The following ARHGAP20 variants were observed in gnomAD, a reference collection of about 807,000 sequenced individuals.
ARHGAP20 encodes Rho GTPase activating protein 20.
Under a neutral mutation model 73.7 loss-of-function variants are expected in ARHGAP20, and 34 were observed. That is an observed-to-expected ratio of 0.46 (90% CI 0.35 to 0.61). ARHGAP20 has a LOEUF of 0.61. ARHGAP20 is among the 20% of genes least tolerant of loss of function. The pLI is 0.00. For synonymous variants in ARHGAP20, 523 were observed against 518.2 expected (o/e 1.01, Z -0.13); for missense variants, 1,314 against 1,420.9 (o/e 0.92, Z 1.21).
intron 3 of ARHGAP20, among the ~76,000 whole-genome samples, chr11:110,627,151 T>G (rs1591326337): frequency 3.3e-5 from 5 of 152,118 alleles, no homozygotes; most frequent in African/African-American, 1.2e-4. Context: ...TGCATTGGCA[T>G]GATCTTGGCT....
chr11:110,631,421 G>C (rs1948858264), intron 2 of ARHGAP20, among the ~76,000 whole-genome samples: 1 of 152,148 alleles, frequency 6.6e-6, no homozygotes, highest in African/African-American at 2.4e-5. Context: ...TGCAGGCTGA[G>C]ACCTGTCAGT....
chr11:110,635,997 A>G (rs535207936), intron 2 of ARHGAP20, among the ~76,000 whole-genome samples: 2 of 152,290 alleles, frequency 1.3e-5, no homozygotes, highest in Admixed American at 1.3e-4. Context: ...TTTTAATTAC[A>G]TAACAGGAAA....
Position 110,611,322 on chromosome 11 carries a change from A to G in ARHGAP20, c.695T>C (p.Met232Thr). ...AGAATAACTTACAGTTATCCCTAGC[A>G]TTGGTAATGACATGTTGATAACTTC... ...ANEVINMSLP[M>T]LGITGSERDY... The change falls in exon 7 of 15, where the codon ATG becomes ACG. Residue 232 changes from methionine (M) to threonine (T), a missense_variant. By Grantham distance (81) the Met-to-Thr change is moderately conservative (BLOSUM62 -1). This residue lies in a region of ARHGAP20 where 443 missense variants were observed against 466.4 expected (regional missense o/e 0.95). Coordinates refer to ENST00000683387, the MANE Select transcript of ARHGAP20 (RefSeq NM_001384657.1). The G allele has an allele frequency of 6.4e-7, 1 of 1,560,914 alleles. No individual in the cohort carries two copies. The highest frequency in any genetic ancestry group is 8.7e-7 in the Non-Finnish European group (1 of 1,148,076).
intron 4 of ARHGAP20, among the ~76,000 whole-genome samples, chr11:110,622,554 T>C (rs1039146802): frequency 1.3e-5 from 2 of 152,210 alleles, no homozygotes; most frequent in Non-Finnish European, 2.9e-5. Context: ...TTTCCATTAA[T>C]GTCCTTTTTC....
chr11:110,677,782 G>A (rs1376736398), intron 2 of ARHGAP20, among the ~76,000 whole-genome samples: 5 of 152,126 alleles, frequency 3.3e-5, no homozygotes, highest in African/African-American at 4.8e-5. Flanking sequence ...TATTGCTGGT[G>A]GGAATTTAGA....
At chr11:110,674,748 T>C (rs1468730865) in intron 2 of ARHGAP20, among the ~76,000 whole-genome samples, 1 of 152,150 alleles carries the variant, frequency 6.6e-6, no homozygotes, top group Non-Finnish European at 1.5e-5. Context: ...TACTAATATG[T>C]TGTTCTACAC....
intron 1 of ARHGAP20, among the ~76,000 whole-genome samples, chr11:110,703,598 C>T (rs1196515839): frequency 6.6e-6 from 1 of 151,806 alleles, no homozygotes; most frequent in Non-Finnish European, 1.5e-5. Context: ...AGACAGTAAA[C>T]TTTAAAGTGG....
intron 12 of ARHGAP20, among the ~76,000 whole-genome samples, chr11:110,584,914 T>C (rs914005739): frequency 8.7e-5 from 13 of 149,424 alleles, no homozygotes; most frequent in African/African-American, 3.2e-4. Flanking sequence ...TGAATATATA[T>C]ATGAATATAT....
intron 2 of ARHGAP20, among the ~76,000 whole-genome samples, chr11:110,677,710 TA>T (rs1202272015): frequency 6.6e-6 from 1 of 151,950 alleles, no homozygotes; most frequent in Non-Finnish European, 1.5e-5. Context: ...AAGATGGCTA[TA>T]ATAAAAAAGA....
At chr11:110,672,592 G>A (rs902610250) in intron 2 of ARHGAP20, among the ~76,000 whole-genome samples, 1 of 152,086 alleles carries the variant, frequency 6.6e-6, no homozygotes, top group Non-Finnish European at 1.5e-5. Flanking sequence ...CTACAAGCAT[G>A]CACCACCACA....
intron 3 of ARHGAP20, among the ~76,000 whole-genome samples, chr11:110,625,041 T>TA (rs1565445359): frequency 7.2e-5 from 10 of 138,836 alleles, no homozygotes; most frequent in Admixed American, 3.0e-4. Flanking sequence ...TATTTTTTTT[T>TA]TTTTTTTGAG....
chr11:110,693,987 T>C (rs1330937332), intron 1 of ARHGAP20, among the ~76,000 whole-genome samples: 1 of 151,886 alleles, frequency 6.6e-6, no homozygotes, highest in Non-Finnish European at 1.5e-5. Flanking sequence ...CACTCTGAAA[T>C]AGAATATTTT....
At position 110,691,053 on chromosome 11, in the gene ARHGAP20, CAAGTA is replaced by C. The variant is rs529110130; in HGVS notation, c.106-429_106-425del. ...AGGCAAATTTGGCTTCAAGAAAAGA[CAAGTA>C]AAGGAGAGGAAAAAACAGTTAAAGC... On this transcript the variant is annotated intron_variant, in intron 1 of 14. Coordinates refer to ENST00000683387, the MANE Select transcript of ARHGAP20 (RefSeq NM_001384657.1). 9,120 of 1,457,476 alleles carry C rather than the reference CAAGTA, an allele frequency of 6.3e-3. 41 individuals carry two copies. Among genetic ancestry groups the C allele is most frequent in the Non-Finnish European group, 7.3e-3 (7,955 of 1,095,694 alleles). The allele number at this position is 1,457,476 out of a possible 1,614,324, so 90.3% of individuals were successfully genotyped here.
chr11:110,667,187 TG>T (rs1167446465), intron 2 of ARHGAP20, among the ~76,000 whole-genome samples: 4 of 152,212 alleles, frequency 2.6e-5, no homozygotes. Flanking sequence ...AGCCTTATAT[TG>T]GAAGAGAATG....
intron 11 of ARHGAP20, chr11:110,589,831 A>G: frequency 1.6e-6 from 1 of 622,232 alleles, no homozygotes; most frequent in Non-Finnish European, 2.0e-6. Context: ...TTAAAGTAAA[A>G]GGCATTAGGC....
In ARHGAP20 at chr11:110,580,423, T is replaced by C. The variant is rs778602400; in HGVS notation, c.2523A>G (p.Thr841=). ...HTADALKGPR[T]HRRCSEPNIE... Reference sequence around the variant, plus strand: ...TGTTGGGCTCTGAGCAGCGCCGATGTGTCCTTGGACCCTTGAGGGCATCTG... The same window carrying C: ...TGTTGGGCTCTGAGCAGCGCCGATGCGTCCTTGGACCCTTGAGGGCATCTG... The change falls in exon 15 of 15, where the codon ACA becomes ACG. Residue 841 remains threonine, a synonymous_variant. Transcript: ENST00000683387. The C allele has an allele frequency of 6.2e-7, 1 of 1,614,202 alleles. No individual in the cohort carries two copies. The highest frequency in any genetic ancestry group is 1.1e-5 in the South Asian group (1 of 91,080).
intron 1 of ARHGAP20, chr11:110,691,047 A>G: frequency 6.7e-7 from 1 of 1,485,030 alleles, no homozygotes; most frequent in Non-Finnish European, 9.0e-7. Flanking sequence ...TGGCTTCAAG[A>G]AAAGACAAGT....
chr11:110,602,113 A>G (rs1948125351), intron 9 of ARHGAP20, among the ~76,000 whole-genome samples: 1 of 152,136 alleles, frequency 6.6e-6, no homozygotes, highest in Non-Finnish European at 1.5e-5. Context: ...CAGAGATGGT[A>G]TGTGGTGCGC....
chr11:110,663,988 G>GA (rs1450025437), intron 2 of ARHGAP20, among the ~76,000 whole-genome samples: 1 of 152,080 alleles, frequency 6.6e-6, no homozygotes. Context: ...AATTTAAAAA[G>GA]AAAAATCATA....
Sources: gnomAD v4.1 joint callset for allele counts (sites outside exome capture counted in the v4.1 genomes callset) on GRCh38, gnomAD v4.1.1 for gene constraint, gnomAD v4.1.1 regional missense constraint, MANE v1.5 for transcripts, NCBI Gene and HGNC (gene_info 2026-07-23, HGNC 2026-07-21) for gene names.